PDZRN3: variants seen among roughly 807,000 people sequenced by gnomAD.
PDZRN3 encodes the protein PDZ domain containing ring finger 3.
PDZRN3 carries 38 observed loss-of-function variants against 85.7 expected under a neutral mutation model. The observed-to-expected ratio is 0.44, with a 90% CI of 0.34 to 0.58. PDZRN3 has a LOEUF of 0.58. Among genes scored for constraint, PDZRN3 ranks in the 20% least tolerant of loss-of-function variants. The pLI is 0.01. For synonymous variants in PDZRN3, 759 were observed against 638.0 expected (o/e 1.19, Z -2.86); for missense variants, 1,629 against 1,506.4 (o/e 1.08, Z -1.35).
chr3:73,563,009 A>ATATATATATATATATG (rs1701862480), intron 3 of PDZRN3, among the ~76,000 whole-genome samples: 1 of 39,678 alleles, frequency 2.5e-5, no homozygotes, highest in Admixed American at 3.4e-4. Context: ...ATATATATAT[A>ATATATATATATATATG]TATATTTTTT....
chr3:73,606,021 G>C (rs915550143), intron 2 of PDZRN3, among the ~76,000 whole-genome samples: 15 of 152,242 alleles, frequency 9.9e-5, no homozygotes, highest in Admixed American at 6.5e-5. Context: ...TGCACCTGGT[G>C]AGTGTGGAAA....
At chr3:73,466,193 G>A (rs1231232768) in intron 3 of PDZRN3, among the ~76,000 whole-genome samples, 1 of 152,176 alleles carries the variant, frequency 6.6e-6, no homozygotes, top group African/African-American at 2.4e-5. Context: ...ACTCTCTAGT[G>A]AAGAAAACAC....
At chr3:73,462,542 C>CAAAAA (rs1167584471) in intron 3 of PDZRN3, among the ~76,000 whole-genome samples, 2 of 93,402 alleles carry the variant, frequency 2.1e-5, no homozygotes, top group Non-Finnish European at 3.8e-5. Context: ...GACTCCGTCT[C>CAAAAA]AAAAAAAAAA....
intron 3 of PDZRN3, among the ~76,000 whole-genome samples, chr3:73,526,825 C>T (rs1704535914): frequency 6.6e-6 from 1 of 151,930 alleles, no homozygotes; most frequent in Admixed American, 6.6e-5. Flanking sequence ...GTAGCTGGGA[C>T]TATAGGCGTC....
chr3:73,497,640 A>G (rs560518065), intron 3 of PDZRN3, among the ~76,000 whole-genome samples: 7 of 152,240 alleles, frequency 4.6e-5, no homozygotes, highest in Non-Finnish European at 8.8e-5. Flanking sequence ...AACTCTACGT[A>G]CCCATCACCC....
At chr3:73,592,629 G>A (rs997538161) in intron 3 of PDZRN3, among the ~76,000 whole-genome samples, 2 of 152,186 alleles carry the variant, frequency 1.3e-5, no homozygotes, top group African/African-American at 4.8e-5. Context: ...GGTCTCCACT[G>A]AGCACTGTGG....
At chr3:73,497,762 A>T (rs1703893998) in intron 3 of PDZRN3, among the ~76,000 whole-genome samples, 1 of 152,170 alleles carries the variant, frequency 6.6e-6, no homozygotes, top group South Asian at 2.1e-4. Flanking sequence ...TAGGGATATA[A>T]GGGAGGAAAG....
intron 3 of PDZRN3, among the ~76,000 whole-genome samples, chr3:73,411,618 G>A (rs1701970134): frequency 6.7e-6 from 1 of 148,996 alleles, no homozygotes; most frequent in African/African-American, 2.6e-5. Flanking sequence ...AGTGGCAGCA[G>A]GTGATGATCT....
chr3:73,556,308 A>G (rs182235617), intron 3 of PDZRN3, among the ~76,000 whole-genome samples: 2 of 152,118 alleles, frequency 1.3e-5, no homozygotes, highest in African/African-American at 4.8e-5. Context: ...TATATAACAC[A>G]GCAAATTATT....
At chr3:73,563,479 A>C (rs1377017340) in intron 3 of PDZRN3, among the ~76,000 whole-genome samples, 4 of 152,170 alleles carry the variant, frequency 2.6e-5, no homozygotes, top group Non-Finnish European at 5.9e-5. Flanking sequence ...ATTTTTTAAA[A>C]AGTTGCCTGT....
chr3:73,484,024 A>G (rs1575683751), intron 3 of PDZRN3, among the ~76,000 whole-genome samples: 1 of 152,160 alleles, frequency 6.6e-6, no homozygotes. Context: ...AAAAAAGTGG[A>G]GGGACGTAGA....
At chr3:73,557,957 A>T (rs1433146060) in intron 3 of PDZRN3, among the ~76,000 whole-genome samples, 1 of 152,172 alleles carries the variant, frequency 6.6e-6, no homozygotes, top group African/African-American at 2.4e-5. Context: ...AACACACCAA[A>T]ATCTTAAGTG....
chr3:73,590,548 A>T (rs1263274934), intron 3 of PDZRN3, among the ~76,000 whole-genome samples: 2 of 152,208 alleles, frequency 1.3e-5, no homozygotes, highest in Non-Finnish European at 2.9e-5. Context: ...AAACGTCAAC[A>T]ACTTTGGTAC....
At chr3:73,584,916 T>G (rs936151208) in intron 3 of PDZRN3, among the ~76,000 whole-genome samples, 1 of 152,188 alleles carries the variant, frequency 6.6e-6, no homozygotes, top group Non-Finnish European at 1.5e-5. Context: ...CATCTAACAC[T>G]CCAAAAGGAC....
intron 3 of PDZRN3, among the ~76,000 whole-genome samples, chr3:73,584,218 C>T (rs1404030996): frequency 6.6e-6 from 1 of 152,062 alleles, no homozygotes; most frequent in Admixed American, 6.5e-5. Flanking sequence ...ATCTGGCATC[C>T]TTGTTACAGG....
chr3:73,624,634 C>A lies in PDZRN3; in HGVS notation c.192G>T (p.Glu64Asp). ...ARCRGRLSAK[E>D]LNHVLPLKRL... The stretch of plus-strand genomic sequence containing the variant: ...GCTTGAGCGGCAGGACGTGGTTGAG[C>A]TCTTTGGCCGACAGGCGACCGCGGC... Residue 64 changes from glutamate (E) to aspartate (D), a missense_variant, in exon 1 of 10, where the codon GAG (glutamate) becomes GAT (aspartate). Coordinates refer to ENST00000263666, the MANE Select transcript of PDZRN3 (RefSeq NM_015009.3). 1 of 1,555,078 alleles carries A rather than the reference C, an allele frequency of 6.4e-7. No homozygotes were observed. The highest frequency in any genetic ancestry group is 2.6e-5 in the East Asian group (1 of 38,570).
At chr3:73,513,651 A>C (rs1405549823) in intron 3 of PDZRN3, among the ~76,000 whole-genome samples, 1 of 152,242 alleles carries the variant, frequency 6.6e-6, no homozygotes, top group Non-Finnish European at 1.5e-5. Flanking sequence ...TTTAACATGG[A>C]GGTCCAGAAC....
chr3:73,453,530 TTGC>T (rs1243182972), intron 3 of PDZRN3, among the ~76,000 whole-genome samples: 7 of 151,614 alleles, frequency 4.6e-5, no homozygotes, highest in Non-Finnish European at 7.4e-5. Context: ...AATGGCTGTT[TTGC>T]TTTCTTTAAA....
At position 73,556,480 on chromosome 3, in the gene PDZRN3, A is replaced by C. The variant is rs997499446; in HGVS notation, c.918+45874T>G. On this transcript the variant is annotated intron_variant, in intron 3 of 9. Transcript: ENST00000263666. ...CAGAAAGCTAAATAAAGCAAAGAGA[A>C]GTAAAATGACCTTTAAATGGTCATC... Among the ~76,000 whole-genome samples, 18 of 152,370 alleles carry C rather than the reference A, an allele frequency of 1.2e-4. No homozygotes were observed. In the East Asian group the frequency reaches 3.3e-3, roughly 28 times the overall value.
Sources: allele counts gnomAD v4.1 joint callset (sites outside exome capture counted in the v4.1 genomes callset), GRCh38; gene constraint gnomAD v4.1.1; transcripts MANE v1.5; gene names NCBI Gene and HGNC (gene_info 2026-07-23, HGNC 2026-07-21).